The following CBX7 variants were observed in gnomAD, a reference collection of about 807,000 sequenced individuals.
CBX7 encodes chromobox 7.
Under a neutral mutation model 31.4 loss-of-function variants are expected in CBX7, and 14 were observed. The observed-to-expected ratio is 0.45, with a 90% CI of 0.29 to 0.70. The LOEUF is 0.70. Among genes scored for constraint, CBX7 ranks in the 30% least tolerant of loss-of-function variants. CBX7 has a pLI of 0.11. For missense variants in CBX7, 269 were observed against 351.9 expected, an observed-to-expected ratio of 0.76 and a Z score of 1.89; for synonymous variants, 159 against 152.6, an observed-to-expected ratio of 1.04 and a Z score of -0.31.
intron 2 of CBX7, among the ~76,000 whole-genome samples, chr22:39,143,562 G>A (rs1449550878): frequency 6.6e-6 from 1 of 152,208 alleles, no homozygotes; most frequent in Non-Finnish European, 1.5e-5. Flanking sequence ...GCATAAGTTA[G>A]TGTAGCGTAA....
chr22:39,146,664 C>T (rs1392126491), intron 2 of CBX7, among the ~76,000 whole-genome samples: 1 of 152,262 alleles, frequency 6.6e-6, no homozygotes, highest in African/African-American at 2.4e-5. Context: ...AGGCTTCTGT[C>T]TCTCCATCTG....
At chr22:39,140,509 G>A (rs1019553446) in intron 3 of CBX7, among the ~76,000 whole-genome samples, 1 of 152,164 alleles carries the variant, frequency 6.6e-6, no homozygotes, top group Non-Finnish European at 1.5e-5. Flanking sequence ...ACCCAGCAGC[G>A]AGGGGCAGTG....
At chr22:39,150,693 C>T (rs752280616) in intron 1 of CBX7, among the ~76,000 whole-genome samples, 16 of 151,970 alleles carry the variant, frequency 1.1e-4, no homozygotes, top group Admixed American at 2.6e-4. Context: ...TCGTTTGAGC[C>T]GGGGAGGTTG....
In CBX7 at chr22:39,149,782, A is replaced by G. The variant is rs2146373513; in HGVS notation, c.113+7T>C. 1 of 1,613,494 alleles carries G rather than the reference A, an allele frequency of 6.2e-7. No individual in the cohort carries two copies. ...ACAGACAGACACACACACATGAAGG[A>G]GCTTACTTTGGGGGCCATCCTTTCC... On this transcript the variant is annotated splice_region_variant and intron_variant, in intron 2 of 5. Coordinates refer to ENST00000216133, the MANE Select transcript of CBX7 (RefSeq NM_175709.5).
chr22:39,137,307 G>A (rs1930288490), intron 4 of CBX7, among the ~76,000 whole-genome samples: 1 of 133,984 alleles, frequency 7.5e-6, no homozygotes, highest in African/African-American at 2.8e-5. Flanking sequence ...AAAATGTTTT[G>A]GATTCTGGAG....
In CBX7 at chr22:39,132,596, G is replaced by C. The variant is rs1021062068; in HGVS notation, c.*1295C>G. 4 of 152,644 alleles carry C rather than the reference G, an allele frequency of 2.6e-5. No individual in the cohort carries two copies. Among genetic ancestry groups the C allele is most frequent in the African/African-American group, 4.8e-5 (2 of 41,466 alleles). 9.5% of individuals were successfully genotyped at this position (152,644 alleles called of 1,614,324 possible). ...GCCTGCCCATCACACAGCACAGCCT[G>C]ACCTCAGAGAGGCACGGCAGAGGTC... On this transcript the variant is annotated 3_prime_UTR_variant, in exon 6 of 6. Transcript: ENST00000216133.
chr22:39,134,550 C>A lies in CBX7; in HGVS notation c.449G>T (p.Arg150Leu). Residue 150 changes from arginine (R) to leucine (L), a missense_variant, in exon 5 of 6, where the codon CGG becomes CTG. Arg to Leu is a moderately radical substitution (Grantham distance 102). Coordinates refer to ENST00000216133, the MANE Select transcript of CBX7 (RefSeq NM_175709.5). ...RKPRKAHKYL[R>L]LSRKKFPPRG... ...GGGCGGGAACTTCTTGCGCGAGAGC[C>A]GCAGGTACTTGTGGGCCTTTCGGGG... 6.2e-7 allele frequency: 1 copy of A among 1,609,364 alleles called. No homozygotes were observed.
rs1045674082 is a variant in CBX7, at chr22:39,131,039, C to A, written c.*2852G>T. 6.6e-6 allele frequency: 1 copy of A among 152,570 alleles called. No individual in the cohort carries two copies. The highest frequency in any genetic ancestry group is 1.5e-5 in the Non-Finnish European group (1 of 68,030). The allele number at this position is 152,570 out of a possible 1,614,324, so 9.5% of individuals were successfully genotyped here. ...CGAAGCTCATTCTGTGCAAAGGAAG[C>A]GCTCTTGTGCTGAGACCTGGTGGCC... On this transcript the variant is annotated 3_prime_UTR_variant, in exon 6 of 6. Transcript: ENST00000216133.
At chr22:39,149,485 TCA>T (rs1930776598) in intron 2 of CBX7, 1 of 490,508 alleles carries the variant, frequency 2.0e-6, no homozygotes, top group South Asian at 2.4e-5. Flanking sequence ...TGCTGGGCCT[TCA>T]CCTCCCAGTT....
At chr22:39,139,262 C>A (rs1320269130) in intron 3 of CBX7, among the ~76,000 whole-genome samples, 1 of 152,152 alleles carries the variant, frequency 6.6e-6, no homozygotes, top group Admixed American at 6.5e-5. Context: ...GAGTGCCCAG[C>A]AGATGCCTTC....
chr22:39,150,968 A>T (rs1930828582), intron 1 of CBX7, among the ~76,000 whole-genome samples: 2 of 152,150 alleles, frequency 1.3e-5, no homozygotes, highest in Admixed American at 6.5e-5. Flanking sequence ...GTATCTCCTC[A>T]TTCACTGTGT....
At chr22:39,149,519 G>T in intron 2 of CBX7, 1 of 531,638 alleles carries the variant, frequency 1.9e-6, no homozygotes, top group Non-Finnish European at 3.4e-6. Flanking sequence ...CCACAGGGAG[G>T]GGAGGAGGGA....
chr22:39,145,794 C>T (rs1465989526), intron 2 of CBX7, among the ~76,000 whole-genome samples: 1 of 151,594 alleles, frequency 6.6e-6, no homozygotes, highest in African/African-American at 2.4e-5. Context: ...GACCTCCCCG[C>T]CCCGCCCCAC....
Position 39,134,533 on chromosome 22 carries a change from ACTT to A in CBX7, c.463_465del (p.Lys155del), listed in dbSNP as rs752449535. The A allele has an allele frequency of 6.2e-7, 1 of 1,611,418 alleles. No homozygotes were observed. The highest frequency in any genetic ancestry group is 1.7e-5 in the Admixed American group (1 of 59,764). ...TCCAGGTTGGGCCCGCGGGGCGGGA[ACTT>A]CTTGCGCGAGAGCCGCAGGTACTTG... On this transcript the variant is annotated inframe_deletion, in exon 5 of 6. Coordinates refer to ENST00000216133, the MANE Select transcript of CBX7 (RefSeq NM_175709.5).
rs957496487 is a variant in CBX7 at position 39,147,925 on chromosome 22, C to T, written c.113+1864G>A. 3 of 152,230 alleles carry T rather than the reference C, an allele frequency of 2.0e-5. 1 individual carries two copies. Among genetic ancestry groups the T allele is most frequent in the African/African-American group, 4.8e-5 (2 of 41,446 alleles). 9.4% of individuals were successfully genotyped at this position (152,230 alleles called of 1,614,324 possible). ...TATCTATCTAACTTAATCTTAAAAC[C>T]AAATGTTTACTAAAGCACTTGGACT... On this transcript the variant is annotated intron_variant, in intron 2 of 5. Transcript: ENST00000216133.
In CBX7 at chr22:39,133,592, T is replaced by A. The variant is rs1177962814; in HGVS notation, c.*299A>T. 4.0e-6 allele frequency: 1 copy of A among 249,240 alleles called. No individual in the cohort carries two copies. The highest frequency in any genetic ancestry group is 2.2e-5 in the African/African-American group (1 of 44,726). The allele number at this position is 249,240 out of a possible 1,614,324, so 15.4% of individuals were successfully genotyped here. On this transcript the variant is annotated 3_prime_UTR_variant, in exon 6 of 6. Coordinates refer to ENST00000216133, the MANE Select transcript of CBX7 (RefSeq NM_175709.5). Reference sequence around the variant, plus strand: ...TCCTTTAACTCCCAGAACCAGCTGCTGCGTCACTAGAGGAGAATGATAATG... The same window carrying A: ...TCCTTTAACTCCCAGAACCAGCTGCAGCGTCACTAGAGGAGAATGATAATG...
intron 1 of CBX7, among the ~76,000 whole-genome samples, chr22:39,151,422 T>A (rs10439918): frequency 6.6e-6 from 1 of 152,160 alleles, no homozygotes; most frequent in African/African-American, 2.4e-5. Context: ...CTGCTCTACC[T>A]CCCTATCTAA....
At position 39,134,453 on chromosome 22, in the gene CBX7, G is replaced by A. The variant is rs1244738609; in HGVS notation, c.546C>T (p.Val182=). ...GCTCCCACTCGCCAGCCGCCTGCAG[G>A]ACGTCTGGGGCCGGTGGCTCCTGCA... ...LFLQEPPAPD[V]LQAAGEWEPA... The change falls in exon 5 of 6, where the codon GTC becomes GTT. Residue 182 remains valine, a synonymous_variant. Coordinates refer to ENST00000216133, the MANE Select transcript of CBX7 (RefSeq NM_175709.5). 1.2e-6 allele frequency: 2 copies of A among 1,606,784 alleles called. No individual in the cohort carries two copies. Among genetic ancestry groups the A allele is most frequent in the East Asian group, 2.2e-5 (1 of 44,880 alleles).
In CBX7 at chr22:39,141,372, TCTC is replaced by T. The variant is rs770413042; in HGVS notation, c.175_177del (p.Glu59del). ...CCGGCGGTGCCGAGGACACCGTACTTCTCCTCGTAGGCCATGACGAGGCGGGGG... is the reference window on the plus strand; with the variant it reads ...CCGGCGGTGCCGAGGACACCGTACTTCTCGTAGGCCATGACGAGGCGGGGG... On this transcript the variant is annotated inframe_deletion and splice_region_variant, in exon 3 of 6. Transcript: ENST00000216133. 4.2e-5 allele frequency: 68 copies of T among 1,611,462 alleles called. No homozygotes were observed. Among genetic ancestry groups the T allele is most frequent in the Non-Finnish European group, 2.1e-5 (25 of 1,179,130 alleles).
Sources: gnomAD v4.1 joint callset for allele counts (sites outside exome capture counted in the v4.1 genomes callset) on GRCh38, gnomAD v4.1.1 for gene constraint, MANE v1.5 for transcripts, NCBI Gene and HGNC (gene_info 2026-07-23, HGNC 2026-07-21) for gene names.